The following AGAP1 variants were observed in gnomAD, a reference collection of about 807,000 sequenced individuals.
The protein encoded by AGAP1 is arf-GAP with GTPase, ANK repeat and PH domain-containing protein 1.
Under a neutral mutation model 105.3 loss-of-function variants are expected in AGAP1, and 29 were observed. That is an observed-to-expected ratio of 0.28 (90% CI 0.21 to 0.38). The LOEUF (loss-of-function observed/expected upper bound fraction) is 0.38, where lower values mean the gene tolerates loss of function less well. Among genes scored for constraint, AGAP1 ranks in the 10% least tolerant of loss-of-function variants. The probability of loss-of-function intolerance (pLI) is 1.00; values close to 1 mark genes in which losing one functional copy is unlikely to be tolerated. For missense variants in AGAP1, 998 were observed against 1,165.1 expected, an observed-to-expected ratio of 0.86 and a Z score of 2.09; for synonymous variants, 509 against 485.9, an observed-to-expected ratio of 1.05 and a Z score of -0.63.
rs2050056916 is a variant in AGAP1 at position 235,882,157 on chromosome 2, T to G, written c.1051-1188T>G. ...TTATTTTCATTATTCATAGAAATAA[T>G]TTTCTATAATGTCCTGGGGCAAACC... On this transcript the variant is annotated intron_variant, in intron 9 of 17. Transcript: ENST00000304032. The surrounding 1 kb of genome is among the most constrained non-coding windows in gnomAD (Gnocchi z 4.6). Among the ~76,000 whole-genome samples the G allele has an allele frequency of 6.6e-6, 1 of 152,144 alleles. No homozygotes were observed. The highest frequency in any genetic ancestry group is 2.4e-5 in the African/African-American group (1 of 41,434).
At position 235,830,341 on chromosome 2, in the gene AGAP1, G is replaced by A. The variant is rs148441884; in HGVS notation, c.1050+23010G>A. Among the ~76,000 whole-genome samples the A allele has an allele frequency of 6.6e-6, 1 of 152,322 alleles. No individual in the cohort carries two copies. Among genetic ancestry groups the A allele is most frequent in the Non-Finnish European group, 1.5e-5 (1 of 68,022 alleles). ...TTGTCTTCATATTTTGCTCATGTCA[G>A]TGAGGAGATAGATGTGTGCTGTCAC... On this transcript the variant is annotated intron_variant, in intron 9 of 17. Transcript: ENST00000304032. This position sits in a 1 kb window ranked among gnomAD's most constrained non-coding sequence, Gnocchi z 5.5.
intron 1 of AGAP1, among the ~76,000 whole-genome samples, chr2:235,583,873 TA>T (rs538942191): frequency 0.029 from 3,903 of 133,166 alleles, 153 homozygotes; most frequent in African/African-American, 0.097. Flanking sequence ...GATCATGTCT[TA>T]AAAAAAAAAA....
Position 235,793,125 on chromosome 2 carries a change from G to A in AGAP1, c.674-4634G>A, listed in dbSNP as rs1957075425. ...CGAGGAACGCCACATGCTGCTCAGAGGTCCAGGAAGGTGCGACCTAGCCTC... is the reference window on the plus strand; with the variant it reads ...CGAGGAACGCCACATGCTGCTCAGAAGTCCAGGAAGGTGCGACCTAGCCTC... On this transcript the variant is annotated intron_variant, in intron 6 of 17. Coordinates refer to ENST00000304032, the MANE Select transcript of AGAP1 (RefSeq NM_001037131.3). This position sits in a 1 kb window ranked among gnomAD's most constrained non-coding sequence, Gnocchi z 5.3. Among the ~76,000 whole-genome samples, 1 of 152,154 alleles carries A rather than the reference G, an allele frequency of 6.6e-6. No individual in the cohort carries two copies. The highest frequency in any genetic ancestry group is 1.5e-5 in the Non-Finnish European group (1 of 68,042).
At position 236,120,393 on chromosome 2, in the gene AGAP1, G is replaced by A. The variant is rs368691158; in HGVS notation, c.2316G>A (p.Ala772=). Residue 772 remains alanine (A), a synonymous_variant, in exon 17 of 18, where the codon GCG becomes GCA. Transcript: ENST00000304032. The surrounding 1 kb of genome is among the most constrained non-coding windows in gnomAD (Gnocchi z 6.0). ...GCGGGGAGGGAGACGGCCGCACGGC[G>A]CTGCATCTGGCCTGCCGCAAGGGGA... ...ETCGEGDGRT[A]LHLACRKGNV... The A allele has an allele frequency of 2.4e-4, 393 of 1,611,312 alleles. No homozygotes were observed. Among genetic ancestry groups the A allele is most frequent in the Non-Finnish European group, 3.2e-4 (378 of 1,179,786 alleles).
intron 1 of AGAP1, among the ~76,000 whole-genome samples, chr2:235,591,761 CTGTTT>C (rs1945345566): frequency 6.6e-6 from 1 of 152,070 alleles, no homozygotes; most frequent in Non-Finnish European, 1.5e-5. Context: ...CATGAGAGGT[CTGTTT>C]TGTTTTGTTT....
intron 1 of AGAP1, among the ~76,000 whole-genome samples, chr2:235,630,106 AT>A (rs1319850145): frequency 6.6e-6 from 1 of 152,206 alleles, no homozygotes; most frequent in African/African-American, 2.4e-5. Context: ...CTGTAGAAAG[AT>A]TTTGTGCCAA....
In AGAP1 at chr2:235,822,837, C is replaced by T. The variant is rs552751409; in HGVS notation, c.1050+15506C>T. On this transcript the variant is annotated intron_variant, in intron 9 of 17. Coordinates refer to ENST00000304032, the MANE Select transcript of AGAP1 (RefSeq NM_001037131.3). ...TCTAGAACTGAACAAGAGGGGCTTC[C>T]TGGTCGTGGACCCCGACGGGTGGGC... 3.3e-5 allele frequency among the ~76,000 whole-genome samples: 5 copies of T among 152,294 alleles called. No individual in the cohort carries two copies. In the South Asian group the frequency reaches 1.0e-3, roughly 32 times the overall value.
rs541121597 is a variant in AGAP1, at chr2:235,553,869, C to T, written c.163+59020C>T. On this transcript the variant is annotated intron_variant, in intron 1 of 17. Transcript: ENST00000304032. This position sits in a 1 kb window ranked among gnomAD's most constrained non-coding sequence, Gnocchi z 4.5. ...TCACTTGATAAGTGAAAGGAACTTC[C>T]ACGTAAGGATCCCGAAGCACGGTTG... Among the ~76,000 whole-genome samples the T allele has an allele frequency of 1.8e-4, 27 of 152,322 alleles. No individual in the cohort carries two copies. Among genetic ancestry groups the T allele is most frequent in the Middle Eastern group, 3.4e-3 (1 of 294 alleles).
rs923792477 is a variant in AGAP1 at position 235,553,092 on chromosome 2, T to C, written c.163+58243T>C. ...CTGCAAGTAGCATTAATACTATAAC[T>C]GAATATACAGTCAGCTACTCACCAC... On this transcript the variant is annotated intron_variant, in intron 1 of 17. Coordinates refer to ENST00000304032, the MANE Select transcript of AGAP1 (RefSeq NM_001037131.3). This position sits in a 1 kb window ranked among gnomAD's most constrained non-coding sequence, Gnocchi z 4.5. Among the ~76,000 whole-genome samples the C allele has an allele frequency of 2.0e-5, 3 of 152,140 alleles. No individual in the cohort carries two copies. Among genetic ancestry groups the C allele is most frequent in the Non-Finnish European group, 2.9e-5 (2 of 68,042 alleles).
chr2:236,056,849 G>A lies in AGAP1; in HGVS notation c.2114+7568G>A, dbSNP rs768336215. On this transcript the variant is annotated intron_variant, in intron 16 of 17. Coordinates refer to ENST00000304032, the MANE Select transcript of AGAP1 (RefSeq NM_001037131.3). This position sits in a 1 kb window ranked among gnomAD's most constrained non-coding sequence, Gnocchi z 4.6. ...GCACCAAGATCTGACTCCAGATGCC[G>A]CTCTGCAGTCCTGCTGCTGCTCCTG... Among the ~76,000 whole-genome samples the A allele has an allele frequency of 6.6e-6, 1 of 152,086 alleles. No homozygotes were observed. Among genetic ancestry groups the A allele is most frequent in the Non-Finnish European group, 1.5e-5 (1 of 68,016 alleles).
chr2:235,528,238 G>A (rs1942916699), intron 1 of AGAP1, among the ~76,000 whole-genome samples: 1 of 151,246 alleles, frequency 6.6e-6, no homozygotes. Context: ...TGCATCTGAG[G>A]GGGAACCTGG....
chr2:235,553,489 A>G lies in AGAP1; in HGVS notation c.163+58640A>G, dbSNP rs995900586. Among the ~76,000 whole-genome samples, 17 of 152,308 alleles carry G rather than the reference A, an allele frequency of 1.1e-4. 1 individual carries two copies. The highest frequency in any genetic ancestry group is 4.1e-4 in the African/African-American group (17 of 41,578). On this transcript the variant is annotated intron_variant, in intron 1 of 17. Coordinates refer to ENST00000304032, the MANE Select transcript of AGAP1 (RefSeq NM_001037131.3). This position sits in a 1 kb window ranked among gnomAD's most constrained non-coding sequence, Gnocchi z 4.5. ...AGAACTGATTTGAGGTCACTAGCAC[A>G]TGGTGAGTAGTTAGTAAACAATTGC...
At chr2:235,947,042 C>T (rs780721382) in intron 12 of AGAP1, among the ~76,000 whole-genome samples, 1 of 152,128 alleles carries the variant, frequency 6.6e-6, no homozygotes, top group South Asian at 2.1e-4. Context: ...AGATATTTTA[C>T]TTAACTGGTT....
intron 1 of AGAP1, among the ~76,000 whole-genome samples, chr2:235,677,694 C>T (rs186562638): frequency 1.3e-5 from 2 of 151,870 alleles, no homozygotes; most frequent in Admixed American, 1.3e-4. Flanking sequence ...CTCTCTGTGC[C>T]TGTCATTGCG....
intron 13 of AGAP1, among the ~76,000 whole-genome samples, chr2:235,991,547 A>G (rs1176689043): frequency 2.0e-5 from 3 of 152,226 alleles, no homozygotes; most frequent in African/African-American, 7.2e-5. Context: ...CCACCTCTTA[A>G]AAAAGGAAAG....
At chr2:235,756,931 A>G (rs886916498) in intron 6 of AGAP1, among the ~76,000 whole-genome samples, 1 of 151,862 alleles carries the variant, frequency 6.6e-6, no homozygotes, top group Admixed American at 6.5e-5. Context: ...CTTGGTGCCA[A>G]AAAGGTTGGG....
intron 1 of AGAP1, among the ~76,000 whole-genome samples, chr2:235,572,991 CTTCTTCTTCTTCT>C: frequency 1.3e-4 from 3 of 22,406 alleles, no homozygotes. Context: ...TCTTCTTCTT[CTTCTTCTTCTTCT>C]TCTTCTTCTT....
chr2:235,583,553 A>AT (rs763297542), intron 1 of AGAP1, among the ~76,000 whole-genome samples: 3,470 of 128,420 alleles, frequency 0.027, 58 homozygotes, highest in Admixed American at 0.059. Context: ...TACCTGGCTA[A>AT]TTTTTTTTTT....
intron 1 of AGAP1, among the ~76,000 whole-genome samples, chr2:235,521,937 T>C (rs905231942): frequency 6.6e-6 from 1 of 152,176 alleles, no homozygotes; most frequent in South Asian, 2.1e-4. Context: ...CCATCCATAA[T>C]AAGTGTGCCA....
Sources: allele counts gnomAD v4.1 joint callset (sites outside exome capture counted in the v4.1 genomes callset), GRCh38; gene constraint gnomAD v4.1.1; non-coding constraint Gnocchi (gnomAD v3.1); transcripts MANE v1.5; gene names NCBI Gene and HGNC (gene_info 2026-07-23, HGNC 2026-07-21).